FBXL17: variants seen among roughly 807,000 people sequenced by gnomAD.
FBXL17 encodes the protein F-box and leucine rich repeat protein 17, also known as F-box/LRR-repeat protein 17.
Under a neutral mutation model 66.2 loss-of-function variants are expected in FBXL17, and 22 were observed. The observed-to-expected ratio is 0.33, with a 90% CI of 0.24 to 0.47. The LOEUF (loss-of-function observed/expected upper bound fraction) is 0.47. Among genes scored for constraint, FBXL17 ranks in the 20% least tolerant of loss-of-function variants. FBXL17 has a pLI of 1.00. For synonymous variants in FBXL17, 474 were observed against 400.5 expected (o/e 1.18, Z -2.19); for missense variants, 878 against 948.2 (o/e 0.93, Z 0.97).
intron 7 of FBXL17, among the ~76,000 whole-genome samples, chr5:107,961,472 C>T (rs1239856624): frequency 6.6e-6 from 1 of 152,090 alleles, no homozygotes; most frequent in African/African-American, 2.4e-5. Flanking sequence ...AAGCGATCTA[C>T]CTGCCTGAGC....
intron 4 of FBXL17, among the ~76,000 whole-genome samples, chr5:108,260,836 T>C (rs564016808): frequency 2.6e-5 from 4 of 152,278 alleles, no homozygotes; most frequent in East Asian, 3.9e-4. Flanking sequence ...AAGTTTGCTA[T>C]AGTCATTTCA....
chr5:107,946,897 C>T (rs753878398), intron 7 of FBXL17, among the ~76,000 whole-genome samples: 54 of 151,988 alleles, frequency 3.6e-4, no homozygotes, highest in East Asian at 2.5e-3. Flanking sequence ...TACTGGGTAG[C>T]GCACAGTGAC....
chr5:107,892,959 G>T (rs17436107), intron 7 of FBXL17, among the ~76,000 whole-genome samples: 58,863 of 152,014 alleles, frequency 0.39, 12,967 homozygotes, highest in Admixed American at 0.53. Flanking sequence ...TTCTGTTTTC[G>T]ATATTCTCTA....
At chr5:107,967,659 A>G (rs1352776605) in intron 7 of FBXL17, among the ~76,000 whole-genome samples, 1 of 151,896 alleles carries the variant, frequency 6.6e-6, no homozygotes, top group East Asian at 1.9e-4. Flanking sequence ...ATGCACATGT[A>G]CCCTAGAACT....
At chr5:108,120,418 A>G (rs1750440692) in intron 6 of FBXL17, among the ~76,000 whole-genome samples, 1 of 152,194 alleles carries the variant, frequency 6.6e-6, no homozygotes, top group Non-Finnish European at 1.5e-5. Flanking sequence ...GACACAGATA[A>G]AAAAAAGCTC....
intron 6 of FBXL17, among the ~76,000 whole-genome samples, chr5:108,114,797 T>C (rs527613446): frequency 5.3e-4 from 81 of 152,274 alleles, no homozygotes; most frequent in African/African-American, 1.9e-3. Context: ...AGGGTGAACA[T>C]ATTTATCATT....
At chr5:108,170,679 G>T (rs158604) in intron 6 of FBXL17, among the ~76,000 whole-genome samples, 22,154 of 151,952 alleles carry the variant, frequency 0.15, 1,889 homozygotes, top group South Asian at 0.32. Flanking sequence ...GACTATAAGT[G>T]TCTGCCACCA....
intron 6 of FBXL17, among the ~76,000 whole-genome samples, chr5:108,166,926 A>C (rs569577549): frequency 1.3e-5 from 2 of 152,334 alleles, no homozygotes; most frequent in East Asian, 3.9e-4. Flanking sequence ...ATAATGTTAA[A>C]ATATATATTT....
At chr5:108,326,790 C>A (rs2150229476) in intron 4 of FBXL17, among the ~76,000 whole-genome samples, 1 of 152,234 alleles carries the variant, frequency 6.6e-6, no homozygotes, top group South Asian at 2.1e-4. Context: ...CTCAGAATGG[C>A]TAAAATTTAA....
chr5:108,194,495 G>A (rs1245647185), intron 5 of FBXL17, among the ~76,000 whole-genome samples: 1 of 152,156 alleles, frequency 6.6e-6, no homozygotes, highest in Non-Finnish European at 1.5e-5. Context: ...AAGGAACCAG[G>A]TAACAATCTT....
At chr5:108,034,388 T>C (rs572948113) in intron 6 of FBXL17, among the ~76,000 whole-genome samples, 5 of 152,310 alleles carry the variant, frequency 3.3e-5, no homozygotes, top group African/African-American at 1.2e-4. Flanking sequence ...GTACACTGCT[T>C]ATCCTATCAC....
chr5:108,325,704 C>T (rs1379374173), intron 4 of FBXL17, among the ~76,000 whole-genome samples: 3 of 152,070 alleles, frequency 2.0e-5, no homozygotes, highest in Admixed American at 2.0e-4. Context: ...CATAGGTACA[C>T]CTAGAAGTCG....
At chr5:107,958,718 T>A (rs983844194) in intron 7 of FBXL17, among the ~76,000 whole-genome samples, 2 of 152,198 alleles carry the variant, frequency 1.3e-5, no homozygotes, top group Non-Finnish European at 2.9e-5. Context: ...GTCCCTGCCT[T>A]TTCCCAGATA....
intron 7 of FBXL17, among the ~76,000 whole-genome samples, chr5:107,887,242 A>G (rs2112511026): frequency 6.6e-6 from 1 of 152,352 alleles, no homozygotes; most frequent in East Asian, 1.9e-4. Context: ...GGATAAGCTA[A>G]GAATAGATAA....
chr5:107,995,841 T>C (rs1753446964), intron 7 of FBXL17, among the ~76,000 whole-genome samples: 1 of 152,072 alleles, frequency 6.6e-6, no homozygotes, highest in Admixed American at 6.6e-5. Flanking sequence ...AAGGTGAAAG[T>C]TGAGGACAGT....
intron 7 of FBXL17, among the ~76,000 whole-genome samples, chr5:107,975,131 T>C (rs958494449): frequency 4.6e-5 from 7 of 152,178 alleles, no homozygotes; most frequent in Admixed American, 6.5e-5. Context: ...ATAAAATCAA[T>C]TCTTAGATAC....
At chr5:107,959,948 C>CA (rs1377428103) in intron 7 of FBXL17, among the ~76,000 whole-genome samples, 3 of 152,162 alleles carry the variant, frequency 2.0e-5, no homozygotes, top group Admixed American at 2.0e-4. Flanking sequence ...GATCTGTTCT[C>CA]AGTGACTAAA....
At chr5:107,940,196 C>T (rs114192819) in intron 7 of FBXL17, among the ~76,000 whole-genome samples, 223 of 152,190 alleles carry the variant, frequency 1.5e-3, no homozygotes, top group African/African-American at 4.8e-3. Context: ...AGTCTGACTC[C>T]GGAACCTACC....
chr5:107,861,888 G>A lies in FBXL17; in HGVS notation c.1966-28C>T, dbSNP rs777106533. 12 of 1,471,268 alleles carry A rather than the reference G, an allele frequency of 8.2e-6. No individual in the cohort carries two copies. In the East Asian group the frequency reaches 1.0e-4, roughly 13 times the overall value. 91.1% of individuals were successfully genotyped at this position (1,471,268 alleles called of 1,614,324 possible). ...GCAAACAAAGAAGAGTCACCATCAC[G>A]CACAGAGACCACCAACACCACGCCG... On this transcript the variant is annotated intron_variant, in intron 8 of 8. Transcript: ENST00000542267.
Sources: allele counts gnomAD v4.1 joint callset (sites outside exome capture counted in the v4.1 genomes callset), GRCh38; gene constraint gnomAD v4.1.1; transcripts MANE v1.5; gene names NCBI Gene and HGNC (gene_info 2026-07-23, HGNC 2026-07-21).